Variants in GLMN observed in about 807,000 individuals in gnomAD.
GLMN encodes glomulin.
Under a neutral mutation model 87.8 loss-of-function variants are expected in GLMN, and 75 were observed. That is an observed-to-expected ratio of 0.85 (90% CI 0.71 to 1.04). The LOEUF is 1.04. GLMN is among the 50% of genes least tolerant of loss of function. The pLI, the probability that GLMN is intolerant of heterozygous loss-of-function variation, is 0.00. For synonymous variants in GLMN, 206 were observed against 221.6 expected, an observed-to-expected ratio of 0.93 and a Z score of 0.63; for missense variants, 588 against 658.8, an observed-to-expected ratio of 0.89 and a Z score of 1.18.
chr1:92,300,306 A>G, upstream of GLMN: 4 of 1,259,094 alleles, frequency 3.2e-6, no homozygotes, highest in Non-Finnish European at 4.6e-6. Flanking sequence ...TACCAATTTT[A>G]AAACAATAAT....
At chr1:92,328,286 A>G in the GLMN span, among the ~76,000 whole-genome samples, 23 of 152,182 alleles carry the variant, frequency 1.5e-4, no homozygotes, top group African/African-American at 5.3e-4. Context: ...TCTCAGGAAC[A>G]CCAATTATTC....
At chr1:92,302,706 A>G (rs1173361624), upstream of GLMN, among the ~76,000 whole-genome samples, 1 of 137,622 alleles carries the variant, frequency 7.3e-6, no homozygotes, top group South Asian at 2.4e-4. Context: ...TGTTCACGCC[A>G]TTCTCCTGCC....
At position 92,286,629 on chromosome 1, in the gene GLMN, C is replaced by A. The variant is rs1464846646; in HGVS notation, c.633-37G>T. 5 of 959,660 alleles carry A rather than the reference C, an allele frequency of 5.2e-6. No homozygotes were observed. The African/African-American group carries it at 8.0e-5, about 15-fold the overall frequency. 59.4% of individuals were successfully genotyped at this position (959,660 alleles called of 1,614,324 possible). A position where few individuals can be genotyped will look rare whatever the true frequency, so the allele number is the denominator to read the frequency against. On this transcript the variant is annotated intron_variant, in intron 6 of 18. Coordinates refer to ENST00000370360, the MANE Select transcript of GLMN (RefSeq NM_053274.3). ...GAAATAGGTAACTATGAAATCAACA[C>A]TTCCAAGTATAAAATCCCTAGGTCT... is the stretch of plus-strand genomic sequence containing the variant.
At chr1:92,345,148 C>T in the GLMN span, among the ~76,000 whole-genome samples, 1 of 151,988 alleles carries the variant, frequency 6.6e-6, no homozygotes, top group South Asian at 2.1e-4. Flanking sequence ...TAATTGCCTG[C>T]TACCAACCTA....
At chr1:92,337,726 CTGT>C in the GLMN span, among the ~76,000 whole-genome samples, 1 of 151,936 alleles carries the variant, frequency 6.6e-6, no homozygotes, top group Non-Finnish European at 1.5e-5. Context: ...TATTATATAT[CTGT>C]TGTTTATATA....
upstream of GLMN, among the ~76,000 whole-genome samples, chr1:92,299,411 C>T (rs941128346): frequency 1.3e-5 from 2 of 152,122 alleles, no homozygotes; most frequent in Non-Finnish European, 2.9e-5. Context: ...AGTGGAGGCC[C>T]CGGGAACCCA....
intron 13 of GLMN, among the ~76,000 whole-genome samples, chr1:92,265,138 G>A (rs986964188): frequency 6.6e-6 from 1 of 152,154 alleles, no homozygotes; most frequent in Admixed American, 6.5e-5. Flanking sequence ...ACCACACCCG[G>A]CCGGTAAATA....
the GLMN span, among the ~76,000 whole-genome samples, chr1:92,358,470 C>T: frequency 9.2e-5 from 14 of 152,264 alleles, no homozygotes; most frequent in South Asian, 2.3e-3. Context: ...CTTTACAACA[C>T]TATATACTTT....
chr1:92,261,039 G>T (rs1406564234), intron 16 of GLMN, among the ~76,000 whole-genome samples: 5 of 152,084 alleles, frequency 3.3e-5, no homozygotes, highest in Non-Finnish European at 7.4e-5. Context: ...CTCTCAAGTA[G>T]GTACAGCCTT....
chr1:92,369,101 T>C, the GLMN span, among the ~76,000 whole-genome samples: 3 of 152,208 alleles, frequency 2.0e-5, no homozygotes, highest in Non-Finnish European at 2.9e-5. Context: ...TTAAAAGCAA[T>C]TGAAAGAAAT....
At chr1:92,266,850 G>A in intron 11 of GLMN, 109 bp from the exon 12 acceptor site, 2 of 717,770 alleles carry the variant, frequency 2.8e-6, no homozygotes, top group Non-Finnish European at 4.8e-6. Flanking sequence ...GTGAGGGTAG[G>A]AGATTTAAAA....
the GLMN span, among the ~76,000 whole-genome samples, chr1:92,359,687 T>G: frequency 1.3e-5 from 2 of 152,218 alleles, no homozygotes; most frequent in African/African-American, 4.8e-5. Context: ...TTTAGGCAGA[T>G]TATCAGTTAG....
chr1:92,340,378 C>T, the GLMN span, among the ~76,000 whole-genome samples: 1 of 152,146 alleles, frequency 6.6e-6, no homozygotes, highest in Non-Finnish European at 1.5e-5. Context: ...CCAGGTGAAG[C>T]TTCTGGAAAA....
chr1:92,253,598 C>A (rs1653819409), intron 16 of GLMN, among the ~76,000 whole-genome samples: 1 of 152,326 alleles, frequency 6.6e-6, no homozygotes, highest in South Asian at 2.1e-4. Flanking sequence ...TGCTGTTCTG[C>A]AGCCTCCAAT....
At chr1:92,252,450 G>C (rs990748312) in intron 16 of GLMN, among the ~76,000 whole-genome samples, 2 of 152,162 alleles carry the variant, frequency 1.3e-5, no homozygotes, top group Non-Finnish European at 2.9e-5. Flanking sequence ...ACTGTCTACT[G>C]TATTGGACAG....
chr1:92,352,184 C>T, the GLMN span, among the ~76,000 whole-genome samples: 10 of 152,100 alleles, frequency 6.6e-5, no homozygotes, highest in African/African-American at 1.7e-4. Flanking sequence ...AACTGTGGCC[C>T]GCTTCCTAGG....
At chr1:92,329,456 C>T in the GLMN span, among the ~76,000 whole-genome samples, 3 of 152,210 alleles carry the variant, frequency 2.0e-5, no homozygotes, top group Non-Finnish European at 4.4e-5. Context: ...CGTGCCCCCA[C>T]AACAGCACCA....
chr1:92,260,576 C>G, intron 16 of GLMN, among the ~76,000 whole-genome samples: 1 of 151,410 alleles, frequency 6.6e-6, no homozygotes, highest in African/African-American at 2.4e-5. Context: ...GATCGTGCCA[C>G]TGCACTCCAG....
chr1:92,257,995 A>C (rs1280289624), intron 16 of GLMN, among the ~76,000 whole-genome samples: 2 of 152,148 alleles, frequency 1.3e-5, no homozygotes, highest in African/African-American at 4.8e-5. Context: ...AATGGGAGAA[A>C]ATTTTTGCAA....
Sources: allele counts gnomAD v4.1 joint callset (sites outside exome capture counted in the v4.1 genomes callset), GRCh38; gene constraint gnomAD v4.1.1; transcripts MANE v1.5; gene names NCBI Gene and HGNC (gene_info 2026-07-23, HGNC 2026-07-21).